The following TCTN3 variants were observed in gnomAD, a reference collection of about 807,000 sequenced individuals.
TCTN3 encodes the protein tectonic-3.
TCTN3 carries 57 observed loss-of-function variants against 71.3 expected under a neutral mutation model. The observed-to-expected ratio is 0.80, with a 90% CI of 0.65 to 1.00. The LOEUF (loss-of-function observed/expected upper bound fraction) is 1.00. Ranked by LOEUF, TCTN3 falls within the 50% of genes least tolerant of loss-of-function variation. The pLI is 0.00. For synonymous variants in TCTN3, 258 were observed against 267.8 expected (o/e 0.96, Z 0.36); for missense variants, 696 against 719.9 (o/e 0.97, Z 0.38).
chr10:95,693,227 C>A (rs537805737), intron 2 of TCTN3, 126 bp downstream of exon 2: 1 of 1,443,406 alleles, frequency 6.9e-7, no homozygotes, highest in Admixed American at 2.5e-5. Context: ...CTAGGAAAAA[C>A]CAAGGGAATG....
chr10:95,667,687 C>G lies in TCTN3; in HGVS notation c.1591-3387G>C, dbSNP rs140915250. On this transcript the variant is annotated intron_variant, in intron 13 of 13. Coordinates refer to ENST00000371217, the MANE Select transcript of TCTN3 (RefSeq NM_015631.6). ...TGAAAAATGGGGAATTATCCCTTCT[C>G]TAATTTAGCTCTAAAATGCTTACTT... is the stretch of plus-strand genomic sequence containing the variant. Among the ~76,000 whole-genome samples the G allele has an allele frequency of 3.3e-4, 50 of 152,314 alleles. 1 individual carries two copies. In the East Asian group the frequency reaches 9.6e-3, roughly 29 times the overall value.
At chr10:95,684,969 A>C (rs1387711423) in intron 8 of TCTN3, among the ~76,000 whole-genome samples, 1 of 152,230 alleles carries the variant, frequency 6.6e-6, no homozygotes, top group Non-Finnish European at 1.5e-5. Context: ...CTTGGCTCTC[A>C]CAATGTTTGA....
Position 95,680,473 on chromosome 10 carries a change from T to C in TCTN3, c.1589A>G (p.Gln530Arg), listed in dbSNP as rs1165507491. The C allele has an allele frequency of 1.2e-6, 2 of 1,612,810 alleles. No individual in the cohort carries two copies. The highest frequency in any genetic ancestry group is 1.7e-6 in the Non-Finnish European group (2 of 1,179,504). ...VRFLYQCQSI[Q>R]DSQQVTEVSL... ...GATCCTTTATGAGCCATGACTTACC[T>C]GTATAGACTGGCACTGGTATAGGAA... Residue 530 changes from glutamine to arginine, a missense_variant and splice_region_variant, in exon 13 of 14, where the codon CAG becomes CGG. Physicochemically the swap from Gln to Arg is conservative, Grantham distance 43 (BLOSUM62 1). Transcript: ENST00000371217.
chr10:95,683,451 A>C (rs756344411), intron 10 of TCTN3, 71 bp downstream of exon 10: 1 of 1,613,016 alleles, frequency 6.2e-7, no homozygotes, highest in Non-Finnish European at 8.5e-7. Flanking sequence ...GGCTAGTCTA[A>C]CATAAGTTTG....
chr10:95,674,822 AGAATGAAT>A (rs10678463), intron 13 of TCTN3, among the ~76,000 whole-genome samples: 38 of 150,808 alleles, frequency 2.5e-4, no homozygotes, highest in African/African-American at 4.9e-4. Flanking sequence ...CCCCATCTCT[AGAATGAAT>A]GAATGAATGA....
At chr10:95,687,986 G>A (rs953474255) in intron 3 of TCTN3, among the ~76,000 whole-genome samples, 1 of 152,112 alleles carries the variant, frequency 6.6e-6, no homozygotes. Flanking sequence ...TCTATTAACT[G>A]AATTATTGTT....
rs369192994 is a variant in TCTN3 at position 95,675,034 on chromosome 10, A to G, written c.1590+5438T>C. 4.2e-3 allele frequency among the ~76,000 whole-genome samples: 646 copies of G among 152,322 alleles called. 2 individuals are homozygous for G. Among genetic ancestry groups the G allele is most frequent in the Middle Eastern group, 0.02 (6 of 294 alleles). ...TTTTCAAAGGAGTCATTGAGAATGAATATGTTACAGGATAAAGGTGGTTAA... is the reference window on the plus strand; with the variant it reads ...TTTTCAAAGGAGTCATTGAGAATGAGTATGTTACAGGATAAAGGTGGTTAA... On this transcript the variant is annotated intron_variant, in intron 13 of 13. Coordinates refer to ENST00000371217, the MANE Select transcript of TCTN3 (RefSeq NM_015631.6).
At chr10:95,683,373 CA>C in intron 10 of TCTN3, 148 bp downstream of exon 10, 4 of 1,508,514 alleles carry the variant, frequency 2.7e-6, no homozygotes, top group Non-Finnish European at 2.7e-6. Flanking sequence ...AACTAGATTC[CA>C]AAAATGATTA....
At chr10:95,677,055 TA>T (rs1207013272) in intron 13 of TCTN3, among the ~76,000 whole-genome samples, 2 of 152,228 alleles carry the variant, frequency 1.3e-5, no homozygotes, top group Non-Finnish European at 2.9e-5. Context: ...CACTTGGTGA[TA>T]AACACAAATT....
intron 13 of TCTN3, among the ~76,000 whole-genome samples, chr10:95,678,186 G>GTACATCTTTTTTATTTTA (rs1265845917): frequency 2.0e-5 from 3 of 152,084 alleles, no homozygotes; most frequent in Admixed American, 2.0e-4. Flanking sequence ...TAAAAGCTTT[G>GTACATCTTTTTTATTTTA]GAAGATGTAC....
At chr10:95,675,285 G>A (rs1178546620) in intron 13 of TCTN3, among the ~76,000 whole-genome samples, 1 of 152,000 alleles carries the variant, frequency 6.6e-6, no homozygotes, top group Admixed American at 6.6e-5. Context: ...TAGAGACAGG[G>A]TTTTGCCGTT....
At position 95,663,590 on chromosome 10, in the gene TCTN3, A is replaced by G. The variant is rs1213798975; in HGVS notation, c.*477T>C. On this transcript the variant is annotated 3_prime_UTR_variant, in exon 14 of 14. Transcript: ENST00000371217. ...GCAAAGGGTGTGCCCAGATGTTGGC[A>G]AAGGAACCAGACAAAATCAACAGCC... is the stretch of plus-strand genomic sequence containing the variant. 1.3e-5 allele frequency: 2 copies of G among 157,498 alleles called. No individual in the cohort carries two copies. The highest frequency in any genetic ancestry group is 4.8e-5 in the African/African-American group (2 of 41,490). 9.8% of individuals were successfully genotyped at this position (157,498 alleles called of 1,614,324 possible).
chr10:95,685,349 T>G (rs958911077), intron 8 of TCTN3, among the ~76,000 whole-genome samples: 1 of 152,232 alleles, frequency 6.6e-6, no homozygotes, highest in Non-Finnish European at 1.5e-5. Flanking sequence ...TTCAAACTTG[T>G]TGGGAATTGT....
chr10:95,685,560 G>A lies in TCTN3; in HGVS notation c.965C>T (p.Ser322Phe), dbSNP rs1449600951. Reference sequence around the variant, plus strand: ...ATCTGAGGTCAGTATCCCTACCTGAGAAACTACATTCTGACAAGTGTTTCC... The same window carrying A: ...ATCTGAGGTCAGTATCCCTACCTGAAAAACTACATTCTGACAAGTGTTTCC... ...LAGNTCQNVV[S>F]QVTYEIETNG... Residue 322 changes from serine to phenylalanine, a missense_variant, in exon 8 of 14, where the codon TCT (serine) becomes TTT (phenylalanine). Transcript: ENST00000371217. 5 of 1,551,068 alleles carry A rather than the reference G, an allele frequency of 3.2e-6. No homozygotes were observed. Among genetic ancestry groups the A allele is most frequent in the Non-Finnish European group, 4.4e-6 (5 of 1,146,536 alleles).
chr10:95,691,915 C>T (rs1192963697), intron 3 of TCTN3, among the ~76,000 whole-genome samples: 1 of 152,162 alleles, frequency 6.6e-6, no homozygotes, highest in African/African-American at 2.4e-5. Context: ...TTGCCCAAGT[C>T]TGTATAGCTG....
At chr10:95,691,112 C>T (rs1196177778) in intron 3 of TCTN3, among the ~76,000 whole-genome samples, 1 of 152,134 alleles carries the variant, frequency 6.6e-6, no homozygotes, top group East Asian at 1.9e-4. Context: ...TTGCAATAAC[C>T]CTGGAGCATG....
chr10:95,681,710 GT>G (rs1418071806), intron 12 of TCTN3, among the ~76,000 whole-genome samples: 1 of 152,102 alleles, frequency 6.6e-6, no homozygotes, highest in Non-Finnish European at 1.5e-5. Flanking sequence ...TTGTAAAAAT[GT>G]AAATTTTTAT....
chr10:95,693,688 A>T lies in TCTN3; in HGVS notation c.212T>A (p.Val71Glu), dbSNP rs1175119111. The T allele has an allele frequency of 1.9e-6, 3 of 1,551,588 alleles. No homozygotes were observed. Among genetic ancestry groups the T allele is most frequent in the African/African-American group, 2.7e-5 (2 of 73,056 alleles). ...CCTATTCCCAGGGGCCGAGGGAGTCACGAGAGTAGGGACCACTGTAGGGAG... is the reference window on the plus strand; with the variant it reads ...CCTATTCCCAGGGGCCGAGGGAGTCTCGAGAGTAGGGACCACTGTAGGGAG... ...PGLPTVVPTL[V>E]TPSAPGNRTV... Residue 71 changes from valine (V) to glutamate (E), a missense_variant, in exon 1 of 14, where the codon GTG becomes GAG. Physicochemically the swap from Val to Glu is moderately radical, Grantham distance 121. Transcript: ENST00000371217.
rs367878971 is a variant in TCTN3, at chr10:95,671,859, G to A, written c.1591-7559C>T. 4.1e-3 allele frequency among the ~76,000 whole-genome samples: 619 copies of A among 152,246 alleles called. 2 individuals are homozygous for A. The highest frequency in any genetic ancestry group is 0.02 in the Middle Eastern group (6 of 294). ...GATCCGCCCGCCTTGGTCTCCCAAA[G>A]TGCTGGGATTACAGGCGTGAGCCAC... On this transcript the variant is annotated intron_variant, in intron 13 of 13. Coordinates refer to ENST00000371217, the MANE Select transcript of TCTN3 (RefSeq NM_015631.6).
Sources: allele counts gnomAD v4.1 joint callset (sites outside exome capture counted in the v4.1 genomes callset), GRCh38; gene constraint gnomAD v4.1.1; transcripts MANE v1.5; gene names NCBI Gene and HGNC (gene_info 2026-07-23, HGNC 2026-07-21).